Variants in ANKRD45 observed in about 807,000 individuals in gnomAD.
The protein encoded by ANKRD45 is ankyrin repeat domain 45, also known as ankyrin repeat domain-containing protein 45.
ANKRD45 carries 21 observed loss-of-function variants against 28.1 expected under a neutral mutation model. The observed-to-expected ratio is 0.75, with a 90% CI of 0.53 to 1.08. The LOEUF (loss-of-function observed/expected upper bound fraction) is 1.08, where lower values mean the gene tolerates loss of function less well. Ranked by LOEUF, ANKRD45 falls within the 50% of genes least tolerant of loss-of-function variation. The probability of loss-of-function intolerance (pLI) is 0.00; values close to 1 mark genes in which losing one functional copy is unlikely to be tolerated. For missense variants in ANKRD45, 261 were observed against 308.7 expected (o/e 0.85, Z 1.16); for synonymous variants, 86 against 103.9 (o/e 0.83, Z 1.05).
chr1:173,697,111 T>C, the ANKRD45 span, among the ~76,000 whole-genome samples: 1 of 151,996 alleles, frequency 6.6e-6, no homozygotes, highest in Non-Finnish European at 1.5e-5. Context: ...AAGAGAAGTT[T>C]AGAGAAAAAA....
At chr1:173,620,010 A>G (rs899838575) in intron 5 of ANKRD45, among the ~76,000 whole-genome samples, 10 of 152,154 alleles carry the variant, frequency 6.6e-5, no homozygotes. Flanking sequence ...ATAATGGGAG[A>G]CTTTAACACC....
chr1:173,714,706 CAAA>C, the ANKRD45 span, among the ~76,000 whole-genome samples: 1 of 152,156 alleles, frequency 6.6e-6, no homozygotes, highest in Non-Finnish European at 1.5e-5. Context: ...CTGGCGAAAA[CAAA>C]GAAGAAAAGA....
chr1:173,631,703 A>C (rs1668203857), intron 3 of ANKRD45, among the ~76,000 whole-genome samples: 1 of 152,222 alleles, frequency 6.6e-6, no homozygotes, highest in Non-Finnish European at 1.5e-5. Context: ...ACTATACAGC[A>C]CATAGAAATT....
At chr1:173,689,422 T>G in the ANKRD45 span, among the ~76,000 whole-genome samples, 1 of 152,190 alleles carries the variant, frequency 6.6e-6, no homozygotes, top group Admixed American at 6.5e-5. Context: ...TTTGTCTTTT[T>G]TTTTCTCTTT....
intron 3 of ANKRD45, chr1:173,637,178 G>T: frequency 1.6e-6 from 1 of 621,844 alleles, no homozygotes; most frequent in Non-Finnish European, 2.7e-6. Context: ...AGAAGCCTGG[G>T]TTGAAATGTT....
At chr1:173,634,642 T>C (rs1057026750) in intron 3 of ANKRD45, among the ~76,000 whole-genome samples, 4 of 152,032 alleles carry the variant, frequency 2.6e-5, no homozygotes, top group Non-Finnish European at 5.9e-5. Context: ...TCAACAGTTA[T>C]GTGATTATAA....
At chr1:173,620,622 T>C (rs992039082) in intron 5 of ANKRD45, among the ~76,000 whole-genome samples, 1 of 152,034 alleles carries the variant, frequency 6.6e-6, no homozygotes, top group African/African-American at 2.4e-5. Flanking sequence ...AGGGATAGCA[T>C]TGGGAGATAT....
the ANKRD45 span, among the ~76,000 whole-genome samples, chr1:173,701,373 T>C: frequency 6.6e-6 from 1 of 152,222 alleles, no homozygotes; most frequent in African/African-American, 2.4e-5. Context: ...TGTATACGTA[T>C]GTTTACTGCG....
intron 1 of ANKRD45, among the ~76,000 whole-genome samples, chr1:173,660,496 C>A (rs1669730798): frequency 6.6e-6 from 1 of 152,210 alleles, no homozygotes; most frequent in Non-Finnish European, 1.5e-5. Context: ...TCCTGGTATT[C>A]ATACCTTCGT....
At chr1:173,627,228 G>T in intron 3 of ANKRD45, 69 bp from the exon 4 acceptor site, 2 of 1,057,282 alleles carry the variant, frequency 1.9e-6, no homozygotes, top group Non-Finnish European at 2.9e-6. Flanking sequence ...TAGTCAAATG[G>T]AAGCCTCCAC....
chr1:173,632,029 T>A (rs975403262), intron 3 of ANKRD45, among the ~76,000 whole-genome samples: 4 of 151,394 alleles, frequency 2.6e-5, no homozygotes, highest in Non-Finnish European at 5.9e-5. Context: ...TTTAAAAAAA[T>A]TCAAAAGATC....
intron 5 of ANKRD45, among the ~76,000 whole-genome samples, chr1:173,617,418 T>C (rs1464326184): frequency 6.6e-6 from 1 of 152,204 alleles, no homozygotes; most frequent in Admixed American, 6.5e-5. Context: ...CTGCAGTTTG[T>C]TCAACTCAGC....
chr1:173,700,169 A>C, the ANKRD45 span, among the ~76,000 whole-genome samples: 1 of 152,224 alleles, frequency 6.6e-6, no homozygotes, highest in East Asian at 1.9e-4. Context: ...ACAAAATAAA[A>C]GAGGACACAA....
At chr1:173,671,533 A>C (rs369809840), upstream of ANKRD45, among the ~76,000 whole-genome samples, 119 of 152,180 alleles carry the variant, frequency 7.8e-4, no homozygotes, top group Non-Finnish European at 9.3e-4. Context: ...CCAAGAGAAG[A>C]ATCAGGGGAG....
intron 3 of ANKRD45, among the ~76,000 whole-genome samples, chr1:173,639,842 T>C (rs1057289972): frequency 6.6e-6 from 1 of 152,226 alleles, no homozygotes; most frequent in Non-Finnish European, 1.5e-5. Context: ...AAAGCATTAA[T>C]TGAGAATATA....
the ANKRD45 span, among the ~76,000 whole-genome samples, chr1:173,692,297 C>T: frequency 1.1e-4 from 17 of 152,222 alleles, no homozygotes; most frequent in Middle Eastern, 3.4e-3. Context: ...AGACATGAGA[C>T]ATTAATCAAC....
At chr1:173,672,127 A>C (rs142290963), upstream of ANKRD45, among the ~76,000 whole-genome samples, 1,012 of 152,356 alleles carry the variant, frequency 6.6e-3, 7 homozygotes, top group Non-Finnish European at 0.011. Flanking sequence ...ACCACCAGTA[A>C]CACCATCATA....
the ANKRD45 span, chr1:173,715,097 T>G: frequency 1.3e-5 from 2 of 152,670 alleles, no homozygotes. Context: ...GCCAGTCACC[T>G]TAGAGCAGGG....
chr1:173,682,861 T>C, the ANKRD45 span, among the ~76,000 whole-genome samples: 4 of 152,184 alleles, frequency 2.6e-5, no homozygotes, highest in African/African-American at 9.7e-5. Context: ...CTCTTTCAGT[T>C]TGGCCTGGCT....
Sources: allele counts gnomAD v4.1 joint callset (sites outside exome capture counted in the v4.1 genomes callset), GRCh38; gene constraint gnomAD v4.1.1; transcripts MANE v1.5; gene names NCBI Gene and HGNC (gene_info 2026-07-23, HGNC 2026-07-21).